Variants in CCS observed in about 807,000 individuals in gnomAD.
CCS encodes the protein superoxide dismutase copper chaperone.
In CCS, 32 loss-of-function variants were observed where a neutral mutation model predicts 35.5. That is an observed-to-expected ratio of 0.90 (90% CI 0.68 to 1.21). The LOEUF is 1.21. Among genes scored for constraint, CCS ranks in the 50% most tolerant of loss-of-function variants. The pLI, the probability that CCS is intolerant of heterozygous loss-of-function variation, is 0.00. For missense variants in CCS, 342 were observed against 375.4 expected (o/e 0.91, Z 0.73); for synonymous variants, 130 against 147.2 (o/e 0.88, Z 0.84).
intron 5 of CCS, 21 bp from the exon 6 acceptor site, chr11:66,605,318 A>G: frequency 6.2e-7 from 1 of 1,614,002 alleles, no homozygotes; most frequent in African/African-American, 1.3e-5. Context: ...TCCCCTATAC[A>G]CACACTGGAT....
At chr11:66,604,143 T>C (rs1858615529) in intron 5 of CCS, among the ~76,000 whole-genome samples, 1 of 151,904 alleles carries the variant, frequency 6.6e-6, no homozygotes, top group South Asian at 2.1e-4. Context: ...GGCAGGAGAA[T>C]TGCTTGAACC....
At position 66,598,381 on chromosome 11, in the gene CCS, G is replaced by T. The variant is rs368296580; in HGVS notation, c.113-735G>T. 2.2e-4 allele frequency among the ~76,000 whole-genome samples: 32 copies of T among 148,260 alleles called. 1 individual carries two copies. In the South Asian group the frequency reaches 6.3e-3, roughly 29 times the overall value. ...AAAAAATTAGCTGGGCATGGTGGTG[G>T]TGTGTGCCTGTAGTCCCTGCTACTC... is the stretch of plus-strand genomic sequence containing the variant. On this transcript the variant is annotated intron_variant, in intron 2 of 7. Coordinates refer to ENST00000533244, the MANE Select transcript of CCS (RefSeq NM_005125.2).
intron 1 of CCS, 24 bp downstream of exon 1, chr11:66,593,324 A>AG: frequency 6.6e-7 from 1 of 1,505,536 alleles, no homozygotes; most frequent in Non-Finnish European, 8.9e-7. Context: ...CTTCGTGTGG[A>AG]GCCTCGCCGG....
intron 5 of CCS, among the ~76,000 whole-genome samples, chr11:66,604,779 C>T (rs1467486084): frequency 3.3e-5 from 5 of 152,118 alleles, no homozygotes; most frequent in Non-Finnish European, 5.9e-5. Context: ...GAGCCAGCTT[C>T]GAGGGGCTAG....
In CCS at chr11:66,599,515, G is replaced by A; in HGVS notation, c.307G>A (p.Val103Met). ...LGGPGTVQGV[V>M]RFLQLTPERC... is the part of the protein sequence containing the mutation. ...GGGGCCTGGCACCGTGCAGGGGGTG[G>A]TGCGCTTCCTACAGCTGACCCCTGA... Residue 103 changes from valine (V) to methionine (M), a missense_variant, in exon 4 of 8, where the codon GTG becomes ATG. Physicochemically the swap from Val to Met is conservative, Grantham distance 21 (BLOSUM62 1). Transcript: ENST00000533244. The A allele has an allele frequency of 1.9e-6, 3 of 1,584,686 alleles. No homozygotes were observed. The highest frequency in any genetic ancestry group is 1.1e-5 in the South Asian group (1 of 87,950).
chr11:66,603,429 G>T (rs958943142), intron 5 of CCS, among the ~76,000 whole-genome samples: 7 of 152,132 alleles, frequency 4.6e-5, no homozygotes, highest in Admixed American at 3.9e-4. Flanking sequence ...ACAAAAATTA[G>T]GCCAGGTGCA....
Position 66,593,185 on chromosome 11 carries a change from A to G in CCS, c.-77A>G. ...GAGTTAAGGGTGGCTTTAGAGGCTCAGTCCCCGCGACGCCGCGCTGGTTGG... is the reference window on the plus strand; with the variant it reads ...GAGTTAAGGGTGGCTTTAGAGGCTCGGTCCCCGCGACGCCGCGCTGGTTGG... On this transcript the variant is annotated 5_prime_UTR_variant, in exon 1 of 8. Coordinates refer to ENST00000533244, the MANE Select transcript of CCS (RefSeq NM_005125.2). The G allele has an allele frequency of 6.6e-7, 1 of 1,504,966 alleles. No homozygotes were observed. 93.2% of individuals were successfully genotyped at this position (1,504,966 alleles called of 1,614,324 possible).
Position 66,600,515 on chromosome 11 carries a change from G to C in CCS, c.455G>C (p.Gly152Ala). 1 of 1,539,980 alleles carries C rather than the reference G, an allele frequency of 6.5e-7. No homozygotes were observed. The highest frequency in any genetic ancestry group is 8.8e-7 in the Non-Finnish European group (1 of 1,139,018). Residue 152 changes from glycine (G) to alanine (A), a missense_variant, in exon 5 of 8, where the codon GGA (glycine) becomes GCA (alanine). By Grantham distance (60) the Gly-to-Ala change is moderately conservative. Transcript: ENST00000533244. ...NSCGNHFNPD[G>A]ASHGGPQDSD... ...TGTGGGAATCACTTTAACCCTGATG[G>C]AGCATCTCATGGGGGCCCCCAGGAC... is the stretch of plus-strand genomic sequence containing the variant.
At chr11:66,596,878 A>G (rs1459722783) in intron 2 of CCS, among the ~76,000 whole-genome samples, 2 of 152,142 alleles carry the variant, frequency 1.3e-5, no homozygotes, top group Non-Finnish European at 2.9e-5. Context: ...GGGTGAGTAC[A>G]ATATCTGGGT....
At chr11:66,601,146 G>A (rs1565061349) in intron 5 of CCS, among the ~76,000 whole-genome samples, 2 of 152,148 alleles carry the variant, frequency 1.3e-5, no homozygotes, top group Non-Finnish European at 2.9e-5. Flanking sequence ...AGGCTAGAGT[G>A]CAATGGCGCA....
In CCS at chr11:66,605,124, G is replaced by A. The variant is rs151158920; in HGVS notation, c.490-215G>A. The A allele has an allele frequency of 9.4e-4, 1,438 of 1,521,966 alleles. 9 individuals are homozygous for A. The African/African-American group carries it at 0.017, about 18-fold the overall frequency. 94.3% of individuals were successfully genotyped at this position (1,521,966 alleles called of 1,614,324 possible). A position where few individuals can be genotyped will look rare whatever the true frequency, so the allele number is the denominator to read the frequency against. ...CAGGGAGGGAGTGTTCAGATGGTCC[G>A]GGACTTCCTGGACCACTTTCCACTT... On this transcript the variant is annotated intron_variant, in intron 5 of 7. Coordinates refer to ENST00000533244, the MANE Select transcript of CCS (RefSeq NM_005125.2).
chr11:66,605,604 C>T lies in CCS; in HGVS notation c.671+12C>T, dbSNP rs770413768. On this transcript the variant is annotated intron_variant, in intron 7 of 7. Transcript: ENST00000533244. ...AACTCCGGGGAGAGGTGAGTGGTGT[C>T]GGCCCCTGTAGGAGGCTGTGCTCTG... 10 of 1,610,644 alleles carry T rather than the reference C, an allele frequency of 6.2e-6. No homozygotes were observed. The Admixed American group carries it at 1.2e-4, about 19-fold the overall frequency.
chr11:66,596,422 C>T (rs1202869592), intron 2 of CCS, among the ~76,000 whole-genome samples: 1 of 150,892 alleles, frequency 6.6e-6, no homozygotes, highest in African/African-American at 2.4e-5. Context: ...CTCTGTTGCC[C>T]AGGCTGGAGT....
At chr11:66,593,391 G>A in intron 1 of CCS, 91 bp downstream of exon 1, 1 of 1,345,944 alleles carries the variant, frequency 7.4e-7, no homozygotes, top group Non-Finnish European at 1.0e-6. Context: ...GAAGGAGTGG[G>A]CACTTGGGTT....
At position 66,593,221 on chromosome 11, in the gene CCS, C is replaced by T. The variant is rs763826407; in HGVS notation, c.-41C>T. The T allele has an allele frequency of 4.8e-5, 75 of 1,552,006 alleles. No individual in the cohort carries two copies. The highest frequency in any genetic ancestry group is 6.8e-5 in the African/African-American group (5 of 73,318). ...CGCCGCGCTGGTTGGTGCTCCTGCG[C>T]CGGAGGAGTTCTGCGTCTCGGGGTG... is the stretch of plus-strand genomic sequence containing the variant. On this transcript the variant is annotated 5_prime_UTR_variant, in exon 1 of 8. Coordinates refer to ENST00000533244, the MANE Select transcript of CCS (RefSeq NM_005125.2).
At chr11:66,597,435 G>A (rs1472637146) in intron 2 of CCS, among the ~76,000 whole-genome samples, 1 of 150,958 alleles carries the variant, frequency 6.6e-6, no homozygotes, top group African/African-American at 2.4e-5. Context: ...TCCAGCCTGG[G>A]TGACAGAGCG....
chr11:66,597,590 A>T (rs1858499223), intron 2 of CCS, among the ~76,000 whole-genome samples: 1 of 149,788 alleles, frequency 6.7e-6, no homozygotes, highest in Non-Finnish European at 1.5e-5. Flanking sequence ...GTCTTTACTA[A>T]AAATACAAAA....
At chr11:66,603,147 C>T (rs1334378634) in intron 5 of CCS, among the ~76,000 whole-genome samples, 2 of 152,218 alleles carry the variant, frequency 1.3e-5, no homozygotes, top group Non-Finnish European at 2.9e-5. Context: ...TTGATGTGGA[C>T]ATTCAATACC....
chr11:66,595,941 A>G (rs557743983), intron 2 of CCS, among the ~76,000 whole-genome samples: 1 of 152,302 alleles, frequency 6.6e-6, no homozygotes, highest in African/African-American at 2.4e-5. Flanking sequence ...AGGACATCTT[A>G]TCTGCTATGT....
Sources: allele counts gnomAD v4.1 joint callset (sites outside exome capture counted in the v4.1 genomes callset), GRCh38; gene constraint gnomAD v4.1.1; transcripts MANE v1.5; gene names NCBI Gene and HGNC (gene_info 2026-07-23, HGNC 2026-07-21).